TET3: variants seen among roughly 807,000 people sequenced by gnomAD.
TET3 encodes the protein tet methylcytosine dioxygenase 3, also known as methylcytosine dioxygenase TET3.
TET3 carries 19 observed loss-of-function variants against 141.4 expected under a neutral mutation model. That is an observed-to-expected ratio of 0.13 (90% CI 0.09 to 0.20). The LOEUF is 0.20. Among genes scored for constraint, TET3 ranks in the 10% least tolerant of loss-of-function variants. The pLI, the probability that TET3 is intolerant of heterozygous loss-of-function variation, is 1.00. For synonymous variants in TET3, 1,043 were observed against 980.9 expected, an observed-to-expected ratio of 1.06 and a Z score of -1.18; for missense variants, 1,874 against 2,356.9, an observed-to-expected ratio of 0.80 and a Z score of 4.24.
At chr2:74,079,948 G>A (rs1689713119) in intron 5 of TET3, among the ~76,000 whole-genome samples, 1 of 152,138 alleles carries the variant, frequency 6.6e-6, no homozygotes, top group Non-Finnish European at 1.5e-5. Flanking sequence ...ACGTGTGCAG[G>A]AACCAGATGT....
At chr2:74,053,991 C>T (rs752863265) in intron 4 of TET3, among the ~76,000 whole-genome samples, 2 of 152,032 alleles carry the variant, frequency 1.3e-5, no homozygotes, top group Non-Finnish European at 2.9e-5. Context: ...GGATGTCTTA[C>T]TGAGTTTTAA....
In TET3 at chr2:74,099,413, C is replaced by T. The variant is rs766144743; in HGVS notation, c.3405C>T (p.Gly1135=). 8.7e-6 allele frequency: 14 copies of T among 1,613,894 alleles called. No individual in the cohort carries two copies. The East Asian group carries it at 3.1e-4, about 36-fold the overall frequency. The part of the protein sequence containing the change: ...GSEENQNAKV[G]SGAIQVLTAF... ...AGGAGAACCAGAATGCAAAGGTGGG[C>T]AGCGGAGCCATCCAGGTGCTCACCG... The change falls in exon 11 of 12, where the codon GGC becomes GGT. Residue 1135 remains glycine, a synonymous_variant. Transcript: ENST00000409262.
chr2:74,120,714 G>C, the TET3 span: 5 of 152,322 alleles, frequency 3.3e-5, no homozygotes, highest in Admixed American at 1.3e-4. Context: ...TTAGAAAATC[G>C]ATAGTCTTGA....
At chr2:74,084,350 G>A (rs1338535884) in intron 6 of TET3, among the ~76,000 whole-genome samples, 1 of 152,200 alleles carries the variant, frequency 6.6e-6, no homozygotes, top group Non-Finnish European at 1.5e-5. Context: ...AAAGTAGGCT[G>A]GGCGCAGTGG....
chr2:74,090,100 C>T, intron 8 of TET3, 53 bp downstream of exon 8: 1 of 1,601,712 alleles, frequency 6.2e-7, no homozygotes, highest in African/African-American at 1.3e-5. Context: ...GCCTGGCGTC[C>T]TTCATGGTCC....
At chr2:74,002,861 C>A (rs903025654) in intron 2 of TET3, 2 of 568,680 alleles carry the variant, frequency 3.5e-6, no homozygotes, top group Admixed American at 3.1e-5. Context: ...GCCGTCCTCT[C>A]GGATCTCGGG....
At chr2:74,108,902 T>A (rs1186169709), downstream of TET3, among the ~76,000 whole-genome samples, 7 of 152,054 alleles carry the variant, frequency 4.6e-5, no homozygotes, top group African/African-American at 1.7e-4. Flanking sequence ...TCTGAGGGCA[T>A]CTGAGTGAAA....
At chr2:74,000,420 C>T (rs899308336) in intron 2 of TET3, among the ~76,000 whole-genome samples, 3 of 152,216 alleles carry the variant, frequency 2.0e-5, no homozygotes, top group Admixed American at 6.5e-5. Flanking sequence ...CAGTACACTG[C>T]TCTGTCAGGA....
At chr2:74,024,403 T>C (rs1686223074) in intron 3 of TET3, among the ~76,000 whole-genome samples, 1 of 152,016 alleles carries the variant, frequency 6.6e-6, no homozygotes, top group South Asian at 2.1e-4. Flanking sequence ...GGAGAGAGGG[T>C]GGACCCTGTT....
chr2:74,061,167 G>T (rs7574306), intron 4 of TET3, among the ~76,000 whole-genome samples: 1 of 140,910 alleles, frequency 7.1e-6, no homozygotes, highest in African/African-American at 2.6e-5. Flanking sequence ...CTTCCCTCCC[G>T]GACGGGGCGG....
chr2:74,007,205 T>C, intron 3 of TET3, among the ~76,000 whole-genome samples: 1 of 152,256 alleles, frequency 6.6e-6, no homozygotes, highest in East Asian at 1.9e-4. Flanking sequence ...GCTTTTGACT[T>C]CAGCGTTGTG....
intron 4 of TET3, among the ~76,000 whole-genome samples, chr2:74,059,587 C>T (rs1688394087): frequency 6.6e-6 from 1 of 152,130 alleles, no homozygotes; most frequent in Non-Finnish European, 1.5e-5. Context: ...CAGGATATCA[C>T]TGTTGTCCAG....
chr2:74,019,077 C>T (rs141106116), intron 3 of TET3, among the ~76,000 whole-genome samples: 6 of 152,084 alleles, frequency 3.9e-5, no homozygotes, highest in Non-Finnish European at 7.4e-5. Context: ...TGAGACCCCC[C>T]GCCAACCCTC....
intron 10 of TET3, among the ~76,000 whole-genome samples, chr2:74,095,062 C>T (rs1363461552): frequency 6.6e-6 from 1 of 152,178 alleles, no homozygotes; most frequent in Non-Finnish European, 1.5e-5. Context: ...TGGCTGTCTG[C>T]TCTGCCTTTT....
chr2:73,993,371 A>T (rs1684428491), intron 2 of TET3: 1 of 152,252 alleles, frequency 6.6e-6, no homozygotes. Flanking sequence ...AGAACTGCAG[A>T]ATGTCCAGCC....
chr2:74,055,870 T>C (rs1573805045), intron 4 of TET3, among the ~76,000 whole-genome samples: 1 of 152,156 alleles, frequency 6.6e-6, no homozygotes, highest in Admixed American at 6.5e-5. Context: ...CCCCTCACCA[T>C]GTGTCCTACA....
At chr2:74,016,093 C>T (rs770290739) in intron 3 of TET3, among the ~76,000 whole-genome samples, 1 of 151,750 alleles carries the variant, frequency 6.6e-6, no homozygotes, top group Non-Finnish European at 1.5e-5. Context: ...TCAGGCTGGG[C>T]GTGGTGGCTC....
the TET3 span, among the ~76,000 whole-genome samples, chr2:74,132,319 G>T: frequency 2.6e-3 from 389 of 152,212 alleles, 3 homozygotes; most frequent in African/African-American, 8.9e-3. Context: ...CTTACAACGC[G>T]TTAGGCCAGG....
chr2:74,055,573 A>G (rs929840572), intron 4 of TET3, among the ~76,000 whole-genome samples: 4 of 152,194 alleles, frequency 2.6e-5, no homozygotes, highest in Admixed American at 6.5e-5. Flanking sequence ...CTAATTATCT[A>G]TATAATCTTA....
Sources: gnomAD v4.1 joint callset for allele counts (sites outside exome capture counted in the v4.1 genomes callset) on GRCh38, gnomAD v4.1.1 for gene constraint, MANE v1.5 for transcripts, NCBI Gene and HGNC (gene_info 2026-07-23, HGNC 2026-07-21) for gene names.